Variants in SYNE2 observed in about 807,000 individuals in gnomAD.
The protein encoded by SYNE2 is spectrin repeat containing nuclear envelope protein 2.
Under a neutral mutation model 856.3 loss-of-function variants are expected in SYNE2, and 431 were observed. That is an observed-to-expected ratio of 0.50 (90% CI 0.47 to 0.55). The LOEUF (loss-of-function observed/expected upper bound fraction) is 0.55, where lower values mean the gene tolerates loss of function less well. SYNE2 is among the 20% of genes least tolerant of loss of function. SYNE2 has a pLI of 0.00. For missense variants in SYNE2, 8,129 were observed against 8,023.2 expected (o/e 1.01, Z -0.50); for synonymous variants, 2,923 against 2,872.3 (o/e 1.02, Z -0.56).
chr14:63,762,231 C>T (rs1024284814), intron 1 of SYNE2: 1 of 221,158 alleles, frequency 4.5e-6, no homozygotes, highest in Admixed American at 5.0e-5. Context: ...TTGGGAGTTT[C>T]AGACCAGCCT....
rs545691287 is a variant in SYNE2, at chr14:64,212,826, A to G, written c.18877A>G (p.Ile6293Val). Reference sequence around the variant, plus strand: ...CTCTCAACAGGGCTTCCAACAGGAAATTACATTAAATACCAACAAGATTGA... The same window carrying G: ...CTCTCAACAGGGCTTCCAACAGGAAGTTACATTAAATACCAACAAGATTGA... ...MRQLNGFQQE[I>V]TLNTNKIDQL... is the part of the protein sequence containing the mutation. Residue 6293 changes from isoleucine (I) to valine (V), a missense_variant, in exon 105 of 116, where the codon ATT (isoleucine) becomes GTT (valine). Physicochemically the swap from Ile to Val is conservative, Grantham distance 29 (BLOSUM62 3). Transcript: ENST00000555002. 5.1e-5 allele frequency: 83 copies of G among 1,614,132 alleles called. No homozygotes were observed. Among genetic ancestry groups the G allele is most frequent in the Non-Finnish European group, 6.9e-5 (81 of 1,180,050 alleles).
Position 63,940,558 on chromosome 14 carries a change from G to T in SYNE2, c.80-56G>T, listed in dbSNP as rs2095899102. ...ACAGACCTTTGAAGCTCTGATATGT[G>T]CAGGAGGTTTCTGAGGCTTCTGGTT... On this transcript the variant is annotated intron_variant, in intron 2 of 115. Transcript: ENST00000555002. 5.3e-6 allele frequency: 8 copies of T among 1,515,020 alleles called. No homozygotes were observed. The East Asian group carries it at 1.8e-4, about 34-fold the overall frequency. 93.8% of individuals were successfully genotyped at this position (1,515,020 alleles called of 1,614,324 possible).
At chr14:64,185,999 C>A (rs2098487804) in intron 96 of SYNE2, among the ~76,000 whole-genome samples, 1 of 152,160 alleles carries the variant, frequency 6.6e-6, no homozygotes, top group African/African-American at 2.4e-5. Flanking sequence ...GCCACAATAG[C>A]AGCAATGCAT....
chr14:64,154,807 A>G (rs1325329924), intron 85 of SYNE2, among the ~76,000 whole-genome samples: 1 of 151,966 alleles, frequency 6.6e-6, no homozygotes, highest in Non-Finnish European at 1.5e-5. Flanking sequence ...AAAAAAAAAA[A>G]AAAAAGACAA....
Position 64,025,418 on chromosome 14 carries a change from C to CTT in SYNE2, c.6249_6250insTT (p.Lys2084LeufsTer7). 6.2e-7 allele frequency: 1 copy of CTT among 1,611,250 alleles called. No individual in the cohort carries two copies. The highest frequency in any genetic ancestry group is 8.5e-7 in the Non-Finnish European group (1 of 1,179,820). On this transcript the variant is annotated frameshift_variant, in exon 41 of 116. Transcript: ENST00000555002. LOFTEE classifies it high-confidence loss of function. ...CACTTGAGGAAAGAATCCAAAAAAT[C>CTT]AAGGTATAACTATGGAAACTAAATT...
chr14:64,137,673 A>G lies in SYNE2; in HGVS notation c.14647-114A>G, dbSNP rs763075192. ...ACTATATAGTCTTGAATGTTGGGAA[A>G]GTGTTACTGTTTTATCAGTGGACAC... is the stretch of plus-strand genomic sequence containing the variant. On this transcript the variant is annotated intron_variant, in intron 78 of 115. Transcript: ENST00000555002. 5 of 1,070,812 alleles carry G rather than the reference A, an allele frequency of 4.7e-6. No individual in the cohort carries two copies. In the African/African-American group the frequency reaches 6.3e-5, roughly 13 times the overall value. 66.3% of individuals were successfully genotyped at this position (1,070,812 alleles called of 1,614,324 possible).
At chr14:63,841,452 A>G (rs1317626335) in intron 1 of SYNE2, among the ~76,000 whole-genome samples, 3 of 152,208 alleles carry the variant, frequency 2.0e-5, no homozygotes, top group Non-Finnish European at 4.4e-5. Context: ...TCATCTGTCA[A>G]TGAAACAAAT....
At chr14:64,165,947 C>G (rs1354216666) in intron 90 of SYNE2, among the ~76,000 whole-genome samples, 1 of 152,108 alleles carries the variant, frequency 6.6e-6, no homozygotes, top group Non-Finnish European at 1.5e-5. Context: ...GATGTTTTTT[C>G]ATAATTACCG....
At chr14:63,932,314 G>A (rs1037449309) in intron 2 of SYNE2, among the ~76,000 whole-genome samples, 30 of 152,194 alleles carry the variant, frequency 2.0e-4, no homozygotes, top group African/African-American at 5.5e-4. Flanking sequence ...CCCGGAAGGC[G>A]GAGGTTGCAG....
chr14:63,807,582 A>G (rs1888409096), intron 1 of SYNE2, among the ~76,000 whole-genome samples: 1 of 151,436 alleles, frequency 6.6e-6, no homozygotes, highest in Non-Finnish European at 1.5e-5. Context: ...TAAAACTAGA[A>G]ATTGGTTTTT....
At chr14:64,224,181 C>CAAAAA (rs35804232) in intron 113 of SYNE2, among the ~76,000 whole-genome samples, 26 of 74,736 alleles carry the variant, frequency 3.5e-4, no homozygotes, top group African/African-American at 7.7e-4. Flanking sequence ...CCCGTCTCTG[C>CAAAAA]AAAAAAAAAA....
At chr14:63,848,841 T>C (rs1890314417), upstream of SYNE2, among the ~76,000 whole-genome samples, 1 of 152,230 alleles carries the variant, frequency 6.6e-6, no homozygotes, top group African/African-American at 2.4e-5. Flanking sequence ...GCTCCACGCT[T>C]GGCACTTCAC....
intron 14 of SYNE2, among the ~76,000 whole-genome samples, chr14:63,979,706 A>C (rs969214183): frequency 3.3e-5 from 5 of 152,186 alleles, no homozygotes; most frequent in African/African-American, 1.2e-4. Flanking sequence ...TGAGGTCAGG[A>C]GTTCGAGACA....
At chr14:63,854,720 C>A (rs895736786) in intron 1 of SYNE2, among the ~76,000 whole-genome samples, 3 of 152,174 alleles carry the variant, frequency 2.0e-5, no homozygotes, top group African/African-American at 7.2e-5. Flanking sequence ...TTTGAAAAAT[C>A]ATGTGAATAA....
chr14:63,988,750 T>C (rs1020544502), intron 19 of SYNE2, among the ~76,000 whole-genome samples: 1 of 152,182 alleles, frequency 6.6e-6, no homozygotes, highest in Non-Finnish European at 1.5e-5. Flanking sequence ...GTCATGTCTA[T>C]GTGGTGGCAG....
intron 1 of SYNE2, among the ~76,000 whole-genome samples, chr14:63,788,707 G>A (rs887250037): frequency 2.0e-5 from 3 of 152,208 alleles, no homozygotes; most frequent in Non-Finnish European, 2.9e-5. Flanking sequence ...AGCCCCAGCC[G>A]CACCTCCCCA....
chr14:64,091,150 G>A (rs1567267590), intron 60 of SYNE2, 102 bp downstream of exon 60: 3 of 1,062,254 alleles, frequency 2.8e-6, no homozygotes, highest in Non-Finnish European at 4.2e-6. Context: ...TCCTATTATT[G>A]TAGGAGGTGG....
intron 79 of SYNE2, among the ~76,000 whole-genome samples, chr14:64,139,180 T>C (rs959886047): frequency 4.0e-5 from 6 of 151,542 alleles, no homozygotes; most frequent in African/African-American, 1.5e-4. Context: ...ATGGGGTTTT[T>C]CCATGTTGCC....
intron 2 of SYNE2, among the ~76,000 whole-genome samples, chr14:63,938,591 A>G (rs1484530774): frequency 6.6e-6 from 1 of 152,110 alleles, no homozygotes; most frequent in Non-Finnish European, 1.5e-5. Context: ...TCAGGGACAA[A>G]GAGGGTAGAG....
Sources: allele counts gnomAD v4.1 joint callset (sites outside exome capture counted in the v4.1 genomes callset), GRCh38; gene constraint gnomAD v4.1.1; transcripts MANE v1.5; gene names NCBI Gene and HGNC (gene_info 2026-07-23, HGNC 2026-07-21).